The following UTRN variants were observed in gnomAD, a reference collection of about 807,000 sequenced individuals.
UTRN encodes utrophin, also known as dystrophin-related protein 1.
Under a neutral mutation model 463.9 loss-of-function variants are expected in UTRN, and 283 were observed. That is an observed-to-expected ratio of 0.61 (90% confidence interval 0.55 to 0.67). The LOEUF (loss-of-function observed/expected upper bound fraction) is 0.67, where lower values mean the gene tolerates loss of function less well. UTRN is among the 30% of genes least tolerant of loss of function. UTRN has a pLI of 0.00. For missense variants in UTRN, 3,922 were observed against 4,084.3 expected (o/e 0.96, Z 1.08); for synonymous variants, 1,442 against 1,431.5 (o/e 1.01, Z -0.17).
Position 144,516,040 on chromosome 6 carries a change from C to T in UTRN, c.5245-189C>T, listed in dbSNP as rs563211573. Among the ~76,000 whole-genome samples the T allele has an allele frequency of 5.9e-5, 9 of 152,246 alleles. No individual in the cohort carries two copies. The South Asian group carries it at 8.3e-4, about 14-fold the overall frequency. ...ATCCCTGGCTAGAGTTTGGAGAAAA[C>T]GGGTCATTCAGAGAAGTCTGAATTG... is the stretch of plus-strand genomic sequence containing the variant. On this transcript the variant is annotated intron_variant, in intron 37 of 74. Coordinates refer to ENST00000367545, the MANE Select transcript of UTRN (RefSeq NM_007124.3).
chr6:144,361,665 T>C (rs930041598), intron 2 of UTRN, among the ~76,000 whole-genome samples: 1 of 152,174 alleles, frequency 6.6e-6, no homozygotes, highest in African/African-American at 2.4e-5. Context: ...CCATGGCTCA[T>C]GCAGCCTCAA....
chr6:144,523,353 A>G (rs764413929), intron 41 of UTRN, among the ~76,000 whole-genome samples, 165 bp downstream of exon 41: 3 of 152,098 alleles, frequency 2.0e-5, no homozygotes, highest in Non-Finnish European at 4.4e-5. Context: ...TCTGTCACCC[A>G]GGCTGGGGTG....
Position 144,700,079 on chromosome 6 carries a change from C to T in UTRN, c.7653-8C>T. On this transcript the variant is annotated splice_region_variant and splice_polypyrimidine_tract_variant and intron_variant, in intron 52 of 74. Transcript: ENST00000367545. ...GTGGTTATTATTATTATTATTATCTCTCAACAGGGCCCATTTGGAGGCCAG... is the reference window on the plus strand; with the variant it reads ...GTGGTTATTATTATTATTATTATCTTTCAACAGGGCCCATTTGGAGGCCAG... 6.4e-7 allele frequency: 1 copy of T among 1,572,190 alleles called. No homozygotes were observed. Among genetic ancestry groups the T allele is most frequent in the Non-Finnish European group, 8.6e-7 (1 of 1,156,722 alleles).
rs567063264 is a variant in UTRN at position 144,831,573 on chromosome 6, A to G, written c.9665+2718A>G. 2.6e-5 allele frequency among the ~76,000 whole-genome samples: 4 copies of G among 152,348 alleles called. No individual in the cohort carries two copies. The East Asian group carries it at 7.7e-4, about 29-fold the overall frequency. On this transcript the variant is annotated intron_variant, in intron 69 of 74. Coordinates refer to ENST00000367545, the MANE Select transcript of UTRN (RefSeq NM_007124.3). ...ATAAATGACATGTCCCTGATCACCC[A>G]TATATCTATTACAATTAGATACATG...
intron 17 of UTRN, 22 bp downstream of exon 17, chr6:144,448,791 G>T: frequency 6.2e-7 from 1 of 1,609,924 alleles, no homozygotes; most frequent in Non-Finnish European, 8.5e-7. Flanking sequence ...TAGAGAAATT[G>T]TTCAAATCCA....
intron 57 of UTRN, among the ~76,000 whole-genome samples, chr6:144,756,758 A>T (rs1792039155): frequency 6.6e-6 from 1 of 152,106 alleles, no homozygotes; most frequent in African/African-American, 2.4e-5. Context: ...TGCCTTTTAT[A>T]AAGAGAGGAG....
intron 23 of UTRN, among the ~76,000 whole-genome samples, 172 bp from the exon 24 acceptor site, chr6:144,473,548 G>A (rs1790881172): frequency 1.3e-5 from 2 of 152,148 alleles, no homozygotes; most frequent in African/African-American, 2.4e-5. Flanking sequence ...AGTCAAGAAT[G>A]AAGAAAATAA....
chr6:144,529,091 T>A (rs995197905), intron 41 of UTRN, among the ~76,000 whole-genome samples: 1 of 152,172 alleles, frequency 6.6e-6, no homozygotes, highest in Non-Finnish European at 1.5e-5. Context: ...AAGCGTGCAG[T>A]TGCAGGCCTC....
intron 51 of UTRN, among the ~76,000 whole-genome samples, chr6:144,643,759 T>G (rs181384583): frequency 1.5e-4 from 22 of 151,474 alleles, no homozygotes; most frequent in African/African-American, 5.3e-4. Context: ...ACCATGCCAT[T>G]GCACTCCAGC....
At chr6:144,510,911 C>T in intron 34 of UTRN, 33 bp from the exon 35 acceptor site, 3 of 1,478,110 alleles carry the variant, frequency 2.0e-6, no homozygotes, top group Non-Finnish European at 1.8e-6. Context: ...TATTCTGAAG[C>T]ATCAAGTAGG....
At chr6:144,746,069 C>T (rs1035971289) in intron 54 of UTRN, among the ~76,000 whole-genome samples, 15 of 151,682 alleles carry the variant, frequency 9.9e-5, no homozygotes, top group Admixed American at 3.3e-4. Flanking sequence ...GGCACATTAT[C>T]GGCTCACTGC....
At chr6:144,433,382 C>T (rs1439603274) in intron 9 of UTRN, among the ~76,000 whole-genome samples, 251 of 146,108 alleles carry the variant, frequency 1.7e-3, no homozygotes, top group Admixed American at 0.016. Flanking sequence ...ACCTCCCTCC[C>T]GGACGGGGTG....
At chr6:144,301,658 C>A (rs991889971) in intron 2 of UTRN, among the ~76,000 whole-genome samples, 1 of 151,326 alleles carries the variant, frequency 6.6e-6, no homozygotes, top group African/African-American at 2.4e-5. Context: ...CCTCAGCCTC[C>A]CAAGTAGCTG....
At chr6:144,414,134 A>C (rs1031302774) in intron 3 of UTRN, among the ~76,000 whole-genome samples, 1 of 152,002 alleles carries the variant, frequency 6.6e-6, no homozygotes, top group Non-Finnish European at 1.5e-5. Context: ...CTCATTAAAA[A>C]AAAAAAAAGT....
chr6:144,842,434 T>A (rs1781665719), intron 73 of UTRN, among the ~76,000 whole-genome samples: 1 of 151,598 alleles, frequency 6.6e-6, no homozygotes, highest in South Asian at 2.1e-4. Flanking sequence ...ACCAAAAAAA[T>A]TTTCCAGGTA....
At chr6:144,337,164 GACACACACACACAGACAC>G (rs1776782455) in intron 2 of UTRN, among the ~76,000 whole-genome samples, 2 of 135,148 alleles carry the variant, frequency 1.5e-5, no homozygotes, top group Non-Finnish European at 3.1e-5. Flanking sequence ...CACACACACA[GACACACACACACAGACAC>G]ACACACACAC....
At chr6:144,471,251 A>G (rs896949354) in intron 23 of UTRN, among the ~76,000 whole-genome samples, 4 of 152,214 alleles carry the variant, frequency 2.6e-5, no homozygotes, top group African/African-American at 7.2e-5. Context: ...TGTTGAGGCC[A>G]TAAAACTTCC....
intron 65 of UTRN, among the ~76,000 whole-genome samples, chr6:144,814,966 C>T (rs544331809): frequency 1.3e-5 from 2 of 152,200 alleles, no homozygotes; most frequent in Admixed American, 6.5e-5. Flanking sequence ...GCATATTTCC[C>T]AGCTCTGTGC....
intron 2 of UTRN, among the ~76,000 whole-genome samples, chr6:144,366,210 G>A (rs1180314063): frequency 6.6e-6 from 1 of 152,198 alleles, no homozygotes; most frequent in Admixed American, 6.5e-5. Flanking sequence ...GAGTATACCC[G>A]TGGGAGATGT....
Sources: allele counts gnomAD v4.1 joint callset (sites outside exome capture counted in the v4.1 genomes callset), GRCh38; gene constraint gnomAD v4.1.1; transcripts MANE v1.5; gene names NCBI Gene and HGNC (gene_info 2026-07-23, HGNC 2026-07-21).